ZNF354A: variants seen among roughly 807,000 people sequenced by gnomAD.
ZNF354A encodes zinc finger protein 354A.
Under a neutral mutation model 53.3 loss-of-function variants are expected in ZNF354A, and 25 were observed. The observed-to-expected ratio is 0.47, with a 90% CI of 0.34 to 0.66. ZNF354A has a LOEUF of 0.66. ZNF354A is among the 30% of genes least tolerant of loss of function. The pLI is 0.01. For synonymous variants in ZNF354A, 228 were observed against 249.0 expected (o/e 0.92, Z 0.79); for missense variants, 586 against 716.8 (o/e 0.82, Z 2.08).
At chr5:178,725,624 G>A (rs775497097) in intron 3 of ZNF354A, among the ~76,000 whole-genome samples, 153 bp from the exon 4 acceptor site, 4 of 152,224 alleles carry the variant, frequency 2.6e-5, no homozygotes, top group African/African-American at 7.2e-5. Context: ...GGGGTAAGGC[G>A]GTAGGGTGAG....
At chr5:178,719,864 G>A (rs887698738) in intron 4 of ZNF354A, among the ~76,000 whole-genome samples, 2 of 151,562 alleles carry the variant, frequency 1.3e-5, no homozygotes, top group African/African-American at 4.8e-5. Flanking sequence ...GGAGAATGGC[G>A]TGAACCCGGG....
chr5:178,725,316 C>T, intron 4 of ZNF354A, 60 bp downstream of exon 4: 4 of 1,532,096 alleles, frequency 2.6e-6, no homozygotes, highest in Middle Eastern at 2.3e-4. Context: ...ACGTTCCTAC[C>T]TCCTCTCATT....
intron 4 of ZNF354A, 123 bp from the exon 5 acceptor site, chr5:178,713,744 A>G: frequency 1.6e-6 from 2 of 1,214,900 alleles, no homozygotes; most frequent in Non-Finnish European, 2.2e-6. Flanking sequence ...ATCTGTATGA[A>G]AAAAATTGCA....
chr5:178,728,570 A>C (rs1765956649), intron 2 of ZNF354A, among the ~76,000 whole-genome samples: 1 of 151,224 alleles, frequency 6.6e-6, no homozygotes, highest in South Asian at 2.1e-4. Flanking sequence ...CGGGTGGATC[A>C]CCTGAGGTCA....
chr5:178,713,641 C>A lies in ZNF354A; in HGVS notation c.257-20G>T, dbSNP rs752662745. 5.0e-5 allele frequency: 76 copies of A among 1,522,194 alleles called. No individual in the cohort carries two copies. In the African/African-American group the frequency reaches 5.9e-4, roughly 12 times the overall value. 94.3% of individuals were successfully genotyped at this position (1,522,194 alleles called of 1,614,324 possible). ...TCGATCCTGGAGGGAAAAAAAAAAT[C>A]AAAAATGTTTCATGTGATATCATAG... On this transcript the variant is annotated intron_variant, in intron 4 of 4. Transcript: ENST00000335815.
chr5:178,717,631 G>C (rs1749201545), intron 4 of ZNF354A, among the ~76,000 whole-genome samples: 1 of 152,108 alleles, frequency 6.6e-6, no homozygotes, highest in Non-Finnish European at 1.5e-5. Context: ...ATACTAGATT[G>C]TATTTATTAT....
At chr5:178,720,655 A>C (rs1581745829) in intron 4 of ZNF354A, among the ~76,000 whole-genome samples, 1 of 152,348 alleles carries the variant, frequency 6.6e-6, no homozygotes, top group East Asian at 1.9e-4. Flanking sequence ...TGAGACAGTA[A>C]ATCTCTACTG....
chr5:178,726,687 T>C (rs34601045), intron 3 of ZNF354A, among the ~76,000 whole-genome samples: 37,067 of 151,914 alleles, frequency 0.24, 5,162 homozygotes, highest in South Asian at 0.35. Flanking sequence ...TGAATGAAGC[T>C]CCCTGTTGGG....
chr5:178,730,213 G>A (rs1766006125), intron 1 of ZNF354A, among the ~76,000 whole-genome samples: 1 of 152,156 alleles, frequency 6.6e-6, no homozygotes, highest in Admixed American at 6.5e-5. Flanking sequence ...AGGCGGGAGG[G>A]GTGGCCGTCC....
chr5:178,717,509 G>C (rs1211780776), intron 4 of ZNF354A, among the ~76,000 whole-genome samples: 2 of 151,900 alleles, frequency 1.3e-5, no homozygotes. Flanking sequence ...CCAGGAAAGG[G>C]GCAAGGCTAG....
intron 4 of ZNF354A, among the ~76,000 whole-genome samples, chr5:178,724,584 C>T (rs1421627598): frequency 4.6e-5 from 7 of 152,170 alleles, no homozygotes; most frequent in African/African-American, 1.7e-4. Context: ...ATTCAAATCA[C>T]ATAAGAACGT....
chr5:178,716,796 G>C (rs531224655), intron 4 of ZNF354A, among the ~76,000 whole-genome samples: 1 of 152,036 alleles, frequency 6.6e-6, no homozygotes, highest in Admixed American at 6.6e-5. Flanking sequence ...GCCTGGAACG[G>C]GGCCGGGCGT....
At chr5:178,720,795 T>C (rs1367931792) in intron 4 of ZNF354A, among the ~76,000 whole-genome samples, 1 of 152,172 alleles carries the variant, frequency 6.6e-6, no homozygotes, top group African/African-American at 2.4e-5. Context: ...TGTAAAAACA[T>C]CAAAACCGCT....
chr5:178,724,593 G>A (rs1251704978), intron 4 of ZNF354A, among the ~76,000 whole-genome samples: 1 of 152,134 alleles, frequency 6.6e-6, no homozygotes, highest in Admixed American at 6.5e-5. Context: ...ACATAAGAAC[G>A]TCACAAATAT....
chr5:178,716,874 T>C (rs913623981), intron 4 of ZNF354A, among the ~76,000 whole-genome samples: 2 of 151,898 alleles, frequency 1.3e-5, no homozygotes, highest in Non-Finnish European at 2.9e-5. Context: ...AGATCAGGAA[T>C]TCAAGGCCAG....
At chr5:178,719,470 C>T (rs1561618412) in intron 4 of ZNF354A, among the ~76,000 whole-genome samples, 1 of 152,108 alleles carries the variant, frequency 6.6e-6, no homozygotes, top group Non-Finnish European at 1.5e-5. Context: ...TGGAGTGTTT[C>T]GTAAGAATTG....
chr5:178,725,498 A>C (rs375789451), intron 3 of ZNF354A, 27 bp from the exon 4 acceptor site: 344 of 1,607,338 alleles, frequency 2.1e-4, no homozygotes, highest in Middle Eastern at 1.7e-3. Flanking sequence ...AACCACAACC[A>C]AACAAATCAG....
Position 178,725,420 on chromosome 5 carries a change from T to C in ZNF354A, c.212A>G (p.Asp71Gly), listed in dbSNP as rs767784975. 9 of 1,614,214 alleles carry C rather than the reference T, an allele frequency of 5.6e-6. No homozygotes were observed. The South Asian group carries it at 6.6e-5, about 12-fold the overall frequency. The change falls in exon 4 of 5, where the codon GAT becomes GGT. Residue 71 changes from aspartate (D) to glycine (G), a missense_variant. This residue lies in a region of ZNF354A where 573 missense variants were observed against 680.1 expected (regional missense o/e 0.84). Transcript: ENST00000335815. ...ACCGTCTTTCTCCACCTCCCAGGGA[T>C]CTTCTCCTTGCTGCAACAGGGAGAT... is the stretch of plus-strand genomic sequence containing the variant. ...KVISLLQQGE[D>G]PWEVEKDGSG...
In ZNF354A at chr5:178,712,836, G is replaced by A; in HGVS notation, c.1042C>T (p.His348Tyr). Residue 348 changes from histidine (H) to tyrosine (Y), a missense_variant, in exon 5 of 5, where the codon CAT becomes TAT. Physicochemically the swap from His to Tyr is moderately conservative, Grantham distance 83 (BLOSUM62 2). Transcript: ENST00000335815. ...STSLSGCQRI[H>Y]SRKKSYLCNE... ...CATAAGTAGGACTTCTTTCTAGAAT[G>A]AATTCTTTGACATCCAGAAAGGGAT... The A allele has an allele frequency of 5.0e-6, 8 of 1,614,132 alleles. No homozygotes were observed. Among genetic ancestry groups the A allele is most frequent in the Middle Eastern group, 1.6e-4 (1 of 6,062 alleles).
Sources: gnomAD v4.1 joint callset for allele counts (sites outside exome capture counted in the v4.1 genomes callset) on GRCh38, gnomAD v4.1.1 for gene constraint, gnomAD v4.1.1 regional missense constraint, MANE v1.5 for transcripts, NCBI Gene and HGNC (gene_info 2026-07-23, HGNC 2026-07-21) for gene names.